The following ASPH variants were observed in gnomAD, a reference collection of about 807,000 sequenced individuals.
ASPH encodes the protein aspartate beta-hydroxylase.
A neutral mutation model predicts 118.4 loss-of-function variants in ASPH; 100 were observed. The ratio of observed to expected loss-of-function variants is 0.84; its 90% CI spans 0.72 to 1.00. The LOEUF (loss-of-function observed/expected upper bound fraction) is 1.00. ASPH is among the 50% of genes least tolerant of loss of function. The pLI, the probability that ASPH is intolerant of heterozygous loss-of-function variation, is 0.00. For missense variants in ASPH, 920 were observed against 919.5 expected, an observed-to-expected ratio of 1.00 and a Z score of -0.01; for synonymous variants, 315 against 325.6, an observed-to-expected ratio of 0.97 and a Z score of 0.35.
At chr8:61,654,025 G>T (rs1812399835) in intron 3 of ASPH, among the ~76,000 whole-genome samples, 1 of 152,116 alleles carries the variant, frequency 6.6e-6, no homozygotes, top group Non-Finnish European at 1.5e-5. Flanking sequence ...CAGCAATGAG[G>T]CAACTAAAAT....
intron 14 of ASPH, among the ~76,000 whole-genome samples, chr8:61,597,316 A>G (rs1177262349): frequency 6.6e-6 from 1 of 152,106 alleles, no homozygotes; most frequent in Non-Finnish European, 1.5e-5. Flanking sequence ...CAGGAGTTCA[A>G]GATCAGTGTG....
At chr8:61,666,232 A>G (rs1819539800) in intron 3 of ASPH, among the ~76,000 whole-genome samples, 2 of 152,286 alleles carry the variant, frequency 1.3e-5, no homozygotes, top group South Asian at 2.1e-4. Flanking sequence ...TCCTTTAAGT[A>G]TGTTTCCCTG....
At position 61,518,837 on chromosome 8, in the gene ASPH, A is replaced by G. The variant is rs191108779; in HGVS notation, c.1901-714T>C. ...TTCTCTGCTTCTTGGCAGCGTGTCC[A>G]TCATCATTAGTTGCTCTTTGTATAG... On this transcript the variant is annotated intron_variant, in intron 22 of 24. Coordinates refer to ENST00000379454, the MANE Select transcript of ASPH (RefSeq NM_004318.4). 2.4e-3 allele frequency among the ~76,000 whole-genome samples: 373 copies of G among 152,272 alleles called. 6 individuals are homozygous for G. Among genetic ancestry groups the G allele is most frequent in the South Asian group, 8.3e-4 (4 of 4,826 alleles).
intron 12 of ASPH, 129 bp downstream of exon 12, chr8:61,637,818 T>C (rs1296325758): frequency 2.4e-6 from 2 of 816,336 alleles, no homozygotes. Context: ...CTCTGTGTTT[T>C]CTTCCCTCTT....
chr8:61,643,045 C>A, intron 9 of ASPH, 125 bp from the exon 10 acceptor site: 1 of 865,704 alleles, frequency 1.2e-6, no homozygotes, highest in South Asian at 2.2e-5. Context: ...ATATTAATGT[C>A]TGCTCAGTCA....
intron 18 of ASPH, among the ~76,000 whole-genome samples, chr8:61,562,438 ATTC>A (rs1174158646): frequency 2.0e-5 from 3 of 150,192 alleles, no homozygotes; most frequent in Admixed American, 6.7e-5. Context: ...AGGAACTTAA[ATTC>A]TTCTTCCTGT....
chr8:61,648,474 A>G (rs1467669441), intron 5 of ASPH, among the ~76,000 whole-genome samples: 2 of 152,158 alleles, frequency 1.3e-5, no homozygotes, highest in African/African-American at 4.8e-5. Flanking sequence ...CAAATCACCA[A>G]TTTGAATTTC....
At chr8:61,708,247 T>C (rs1040198114) in intron 1 of ASPH, among the ~76,000 whole-genome samples, 2 of 152,188 alleles carry the variant, frequency 1.3e-5, no homozygotes, top group African/African-American at 4.8e-5. Flanking sequence ...ATTATAAAGG[T>C]TAGAGAACTA....
intron 15 of ASPH, chr8:61,578,961 A>G: frequency 6.2e-7 from 1 of 1,611,484 alleles, no homozygotes; most frequent in Non-Finnish European, 8.5e-7. Context: ...GGTGCTGTCC[A>G]TGGACAACAG....
Position 61,501,657 on chromosome 8 carries a change from C to G in ASPH, c.*1702G>C, listed in dbSNP as rs777208207. The G allele has an allele frequency of 6.6e-6, 1 of 152,132 alleles. No individual in the cohort carries two copies. Among genetic ancestry groups the G allele is most frequent in the Non-Finnish European group, 1.5e-5 (1 of 68,012 alleles). The allele number at this position is 152,132 out of a possible 1,614,324, so 9.4% of individuals were successfully genotyped here. A position where few individuals can be genotyped will look rare whatever the true frequency, so the allele number is the denominator to read the frequency against. ...TTTTTACTTTTCAAGAGTTTGCCTTCTCTTCTCGATTTTAGTAATTAATTT... is the reference window on the plus strand; with the variant it reads ...TTTTTACTTTTCAAGAGTTTGCCTTGTCTTCTCGATTTTAGTAATTAATTT... On this transcript the variant is annotated 3_prime_UTR_variant, in exon 25 of 25. Coordinates refer to ENST00000379454, the MANE Select transcript of ASPH (RefSeq NM_004318.4).
chr8:61,646,919 A>C (rs746342986), intron 5 of ASPH, 41 bp from the exon 6 acceptor site: 15 of 1,611,820 alleles, frequency 9.3e-6, no homozygotes, highest in Non-Finnish European at 1.3e-5. Context: ...CATACAACTG[A>C]GACATGAAAG....
chr8:61,680,159 ATTTG>A (rs1291937876), intron 3 of ASPH, among the ~76,000 whole-genome samples: 1 of 151,750 alleles, frequency 6.6e-6, no homozygotes. Flanking sequence ...ACTAAGAAGA[ATTTG>A]TTTGGGTCAT....
At chr8:61,563,458 G>A (rs1268002324) in intron 17 of ASPH, among the ~76,000 whole-genome samples, 1 of 152,050 alleles carries the variant, frequency 6.6e-6, no homozygotes, top group Non-Finnish European at 1.5e-5. Context: ...GGCATACTTT[G>A]CACGCATGAA....
At chr8:61,518,232 T>C (rs893237991) in intron 22 of ASPH, 109 bp from the exon 23 acceptor site, 65 of 879,774 alleles carry the variant, frequency 7.4e-5, no homozygotes, top group Middle Eastern at 2.4e-4. Context: ...AATGAGAAGA[T>C]TGAGTAAACA....
In ASPH at chr8:61,665,294, T is replaced by C. The variant is rs779476062; in HGVS notation, c.323-11634A>G. On this transcript the variant is annotated intron_variant, in intron 3 of 24. Coordinates refer to ENST00000379454, the MANE Select transcript of ASPH (RefSeq NM_004318.4). ...GGTATTTCCCTTTGTTAAGTGTGCA[T>C]ATCTGGTAGAACTTCTACTTTCCTT... The C allele has an allele frequency of 6.8e-6, 11 of 1,612,592 alleles. No individual in the cohort carries two copies. In the Admixed American group the frequency reaches 1.7e-4, roughly 25 times the overall value.
intron 5 of ASPH, among the ~76,000 whole-genome samples, chr8:61,647,595 T>TG: frequency 6.6e-6 from 1 of 152,162 alleles, no homozygotes; most frequent in South Asian, 2.1e-4. Context: ...CGCTTGAACC[T>TG]GGGGGGCAGA....
At chr8:61,616,250 G>A (rs1848977687) in intron 14 of ASPH, among the ~76,000 whole-genome samples, 1 of 152,118 alleles carries the variant, frequency 6.6e-6, no homozygotes, top group Non-Finnish European at 1.5e-5. Context: ...ATCCCTGGAG[G>A]TCAGACCTGT....
At chr8:61,689,074 C>G (rs947671395) in intron 1 of ASPH, among the ~76,000 whole-genome samples, 13 of 152,264 alleles carry the variant, frequency 8.5e-5, no homozygotes, top group Non-Finnish European at 1.6e-4. Flanking sequence ...AATGGAAAGA[C>G]TATCTTAATT....
intron 3 of ASPH, chr8:61,664,573 G>C (rs1041332277): frequency 2.0e-6 from 2 of 985,200 alleles, no homozygotes; most frequent in Admixed American, 1.2e-4. Flanking sequence ...GGGAGGTCAG[G>C]AGTGAGAAGC....
Sources: allele counts gnomAD v4.1 joint callset (sites outside exome capture counted in the v4.1 genomes callset), GRCh38; gene constraint gnomAD v4.1.1; transcripts MANE v1.5; gene names NCBI Gene and HGNC (gene_info 2026-07-23, HGNC 2026-07-21).